The following ALDH7A1 variants were observed in gnomAD, a reference collection of about 807,000 sequenced individuals.
The protein encoded by ALDH7A1 is aldehyde dehydrogenase 7 family member A1, also known as alpha-aminoadipic semialdehyde dehydrogenase.
ALDH7A1 carries 63 observed loss-of-function variants against 79.9 expected under a neutral mutation model. The observed-to-expected ratio is 0.79, with a 90% confidence interval of 0.64 to 0.97. The LOEUF (loss-of-function observed/expected upper bound fraction) is 0.97, where lower values mean the gene tolerates loss of function less well. Among genes scored for constraint, ALDH7A1 ranks in the 50% least tolerant of loss-of-function variants. The probability of loss-of-function intolerance (pLI) is 0.00; values close to 1 mark genes in which losing one functional copy is unlikely to be tolerated. For synonymous variants in ALDH7A1, 240 were observed against 231.2 expected (o/e 1.04, Z -0.34); for missense variants, 627 against 665.2 (o/e 0.94, Z 0.63).
intron 14 of ALDH7A1, among the ~76,000 whole-genome samples, chr5:126,551,236 AC>A (rs975135236): frequency 3.3e-5 from 5 of 152,092 alleles, no homozygotes; most frequent in African/African-American, 1.2e-4. Context: ...TAAAACCTTT[AC>A]AGTTTGAGAT....
chr5:126,569,390 T>C, intron 8 of ALDH7A1: 2 of 152,188 alleles, frequency 1.3e-5, no homozygotes, highest in African/African-American at 4.8e-5. Context: ...TATGCTAGGA[T>C]TTCCAGTTGC....
At chr5:126,554,181 A>G (rs1223549994) in intron 13 of ALDH7A1, 106 bp downstream of exon 13, 11 of 816,730 alleles carry the variant, frequency 1.3e-5, no homozygotes, top group Non-Finnish European at 2.4e-5. Flanking sequence ...CAGGAGAAGA[A>G]GGATGTCAAA....
At chr5:126,565,001 C>T (rs193197852) in intron 9 of ALDH7A1, among the ~76,000 whole-genome samples, 36 of 152,224 alleles carry the variant, frequency 2.4e-4, no homozygotes, top group East Asian at 1.3e-3. Flanking sequence ...AACAAACTAC[C>T]GCCTTGAGTA....
chr5:126,572,941 A>C (rs1750826223), intron 7 of ALDH7A1, among the ~76,000 whole-genome samples: 1 of 152,148 alleles, frequency 6.6e-6, no homozygotes, highest in African/African-American at 2.4e-5. Context: ...AATTTAGTTG[A>C]ATTTACGAAG....
intron 9 of ALDH7A1, among the ~76,000 whole-genome samples, chr5:126,566,127 G>A (rs1168644988): frequency 2.0e-5 from 3 of 151,994 alleles, no homozygotes; most frequent in Non-Finnish European, 4.4e-5. Flanking sequence ...CAGAAAACTG[G>A]GATTTTTACA....
chr5:126,552,080 C>T lies in ALDH7A1; in HGVS notation c.1258G>A (p.Asp420Asn), dbSNP rs758810390. The change falls in exon 14 of 18, where the codon GAT becomes AAT. Residue 420 changes from aspartate to asparagine, a missense_variant. Coordinates refer to ENST00000409134, the MANE Select transcript of ALDH7A1 (RefSeq NM_001182.5). ...GTCTCTGTGTGTGCAATGGACGCAT[C>T]GTGGCCAAGACCTGTCACAATTGTC... ...EPTIVTGLGH[D>N]ASIAHTETFA... The T allele has an allele frequency of 7.4e-6, 12 of 1,613,900 alleles. No individual in the cohort carries two copies. The highest frequency in any genetic ancestry group is 2.2e-5 in the East Asian group (1 of 44,886).
rs976328831 is a variant in ALDH7A1, at chr5:126,542,494, T to C, written c.*2471A>G. ...GCATGAGCAATGTAGTATGACCCAA[T>C]CTTTACAAAAAAAAATAATAATCAG... On this transcript the variant is annotated 3_prime_UTR_variant, in exon 18 of 18. Coordinates refer to ENST00000409134, the MANE Select transcript of ALDH7A1 (RefSeq NM_001182.5). The C allele has an allele frequency of 5.3e-5, 8 of 151,636 alleles. No individual in the cohort carries two copies. Among genetic ancestry groups the C allele is most frequent in the Non-Finnish European group, 1.0e-4 (7 of 67,946 alleles). The allele number at this position is 151,636 out of a possible 1,614,324, so 9.4% of individuals were successfully genotyped here.
intron 11 of ALDH7A1, among the ~76,000 whole-genome samples, 196 bp from the exon 12 acceptor site, chr5:126,556,211 G>C (rs1750189826): frequency 1.4e-5 from 2 of 142,976 alleles, no homozygotes; most frequent in Admixed American, 7.1e-5. Flanking sequence ...CTTTTAGGTA[G>C]ATAATAGAAT....
intron 3 of ALDH7A1, among the ~76,000 whole-genome samples, chr5:126,590,511 A>C (rs1751517435): frequency 6.6e-6 from 1 of 152,110 alleles, no homozygotes; most frequent in South Asian, 2.1e-4. Flanking sequence ...GTGAGCTGAG[A>C]TCACACCACT....
intron 3 of ALDH7A1, among the ~76,000 whole-genome samples, chr5:126,584,801 C>G (rs1267350687): frequency 6.6e-6 from 1 of 150,998 alleles, no homozygotes; most frequent in Non-Finnish European, 1.5e-5. Flanking sequence ...ACTTCCCGCT[C>G]TCTGGCTTAA....
At chr5:126,564,430 G>T in intron 9 of ALDH7A1, 1 of 808,024 alleles carries the variant, frequency 1.2e-6, no homozygotes, top group Non-Finnish European at 1.7e-6. Flanking sequence ...TTACAGACGT[G>T]AGCCACTGTG....
intron 5 of ALDH7A1, among the ~76,000 whole-genome samples, chr5:126,578,279 A>C (rs995311655): frequency 1.3e-5 from 2 of 151,822 alleles, no homozygotes; most frequent in Non-Finnish European, 1.5e-5. Flanking sequence ...ACAGAGGGAG[A>C]CTCCGCCTCA....
At chr5:126,585,818 C>A (rs1751342772) in intron 3 of ALDH7A1, among the ~76,000 whole-genome samples, 1 of 152,132 alleles carries the variant, frequency 6.6e-6, no homozygotes, top group Non-Finnish European at 1.5e-5. Flanking sequence ...CTGCCTCGGC[C>A]TCCCAAAGTG....
chr5:126,568,851 G>A (rs1433482709), intron 8 of ALDH7A1: 5 of 174,368 alleles, frequency 2.9e-5, no homozygotes, highest in Non-Finnish European at 3.7e-5. Flanking sequence ...ACTGGGAGGC[G>A]GAGGTTGCAG....
chr5:126,572,268 T>C (rs1351298602), intron 7 of ALDH7A1, among the ~76,000 whole-genome samples: 1 of 152,204 alleles, frequency 6.6e-6, no homozygotes, highest in Non-Finnish European at 1.5e-5. Context: ...CTGTTTTCTT[T>C]CTTCCTTCCA....
chr5:126,545,176 G>C (rs903767949), intron 17 of ALDH7A1, among the ~76,000 whole-genome samples, 157 bp from the exon 18 acceptor site: 10 of 148,482 alleles, frequency 6.7e-5, no homozygotes, highest in Non-Finnish European at 1.3e-4. Flanking sequence ...GACAATGTTA[G>C]TATGGATCCC....
Position 126,578,718 on chromosome 5 carries a change from T to C in ALDH7A1, c.518-1507A>G, listed in dbSNP as rs79855339. Among the ~76,000 whole-genome samples, 1,326 of 151,880 alleles carry C rather than the reference T, an allele frequency of 8.7e-3. 18 individuals carry two copies. The highest frequency in any genetic ancestry group is 0.03 in the African/African-American group (1,258 of 41,414). On this transcript the variant is annotated intron_variant, in intron 5 of 17. Transcript: ENST00000409134. Reference sequence around the variant, plus strand: ...ATTTTAAATACAAACTTACAAACTTTAAAGTCACCCATAATCCTACAAGGT... The same window carrying C: ...ATTTTAAATACAAACTTACAAACTTCAAAGTCACCCATAATCCTACAAGGT...
At chr5:126,560,860 C>T (rs549886161) in intron 10 of ALDH7A1, among the ~76,000 whole-genome samples, 3 of 152,300 alleles carry the variant, frequency 2.0e-5, no homozygotes, top group African/African-American at 7.2e-5. Context: ...TCTAGATCAT[C>T]CCAGGTAACA....
In ALDH7A1 at chr5:126,544,593, C is replaced by T. The variant is rs1749722251; in HGVS notation, c.*372G>A. The T allele has an allele frequency of 3.3e-6, 1 of 304,800 alleles. No individual in the cohort carries two copies. Among genetic ancestry groups the T allele is most frequent in the Non-Finnish European group, 6.3e-6 (1 of 158,892 alleles). The allele number at this position is 304,800 out of a possible 1,614,324, so 18.9% of individuals were successfully genotyped here. On this transcript the variant is annotated 3_prime_UTR_variant, in exon 18 of 18. Coordinates refer to ENST00000409134, the MANE Select transcript of ALDH7A1 (RefSeq NM_001182.5). ...GAATCCTTCACTTGGTCAGGAGACACCCTGTATCTACTGCAAAGACTTCTG... is the reference window on the plus strand; with the variant it reads ...GAATCCTTCACTTGGTCAGGAGACATCCTGTATCTACTGCAAAGACTTCTG...
Sources: allele counts gnomAD v4.1 joint callset (sites outside exome capture counted in the v4.1 genomes callset), GRCh38; gene constraint gnomAD v4.1.1; transcripts MANE v1.5; gene names NCBI Gene and HGNC (gene_info 2026-07-23, HGNC 2026-07-21).